GLB1: variants seen among roughly 807,000 people sequenced by gnomAD.
GLB1 encodes galactosidase beta 1.
In GLB1, 56 loss-of-function variants were observed where a neutral mutation model predicts 74.0. The observed-to-expected ratio is 0.76, with a 90% CI of 0.61 to 0.94. The LOEUF (loss-of-function observed/expected upper bound fraction) is 0.94, where lower values mean the gene tolerates loss of function less well. Ranked by LOEUF, GLB1 falls within the 40% of genes least tolerant of loss-of-function variation. The pLI is 0.00. For missense variants in GLB1, 787 were observed against 845.5 expected, an observed-to-expected ratio of 0.93 and a Z score of 0.86; for synonymous variants, 323 against 323.6, an observed-to-expected ratio of 1.00 and a Z score of 0.02.
rs769503425 is a variant in GLB1, at chr3:33,068,912, G to C, written c.304C>G (p.His102Asp). 2 of 1,614,116 alleles carry C rather than the reference G, an allele frequency of 1.2e-6. No homozygotes were observed. The highest frequency in any genetic ancestry group is 4.5e-5 in the East Asian group (2 of 44,886). ...WPGQYQFSED[H>D]DVEYFLRLAH... ...AGCCGAAGAAAATATTCCACATCAT[G>C]GTCCTCAGAAAACTGGTACTGTCCT... is the stretch of plus-strand genomic sequence containing the variant. Residue 102 changes from histidine (H) to aspartate (D), a missense_variant, in exon 3 of 16, where the codon CAT becomes GAT. By Grantham distance (81) the His-to-Asp change is moderately conservative. Coordinates refer to ENST00000307363, the MANE Select transcript of GLB1 (RefSeq NM_000404.4).
At chr3:33,082,391 C>G (rs1355953609) in intron 1 of GLB1, among the ~76,000 whole-genome samples, 1 of 152,170 alleles carries the variant, frequency 6.6e-6, no homozygotes, top group Non-Finnish European at 1.5e-5. Flanking sequence ...CTGCCCACTC[C>G]CCACTCCCAC....
intron 10 of GLB1, chr3:33,030,587 A>C (rs1697964126): frequency 1.0e-6 from 1 of 985,454 alleles, no homozygotes. Context: ...TCAATCAGCC[A>C]GTGTAGACAA....
intron 1 of GLB1, among the ~76,000 whole-genome samples, chr3:33,079,820 T>C (rs1488582859): frequency 6.6e-6 from 1 of 152,214 alleles, no homozygotes; most frequent in African/African-American, 2.4e-5. Flanking sequence ...CTTGCTCAGT[T>C]GCTCTGGCTG....
chr3:33,016,615 G>C, intron 14 of GLB1, 94 bp downstream of exon 14: 1 of 1,590,840 alleles, frequency 6.3e-7, no homozygotes, highest in East Asian at 2.3e-5. Flanking sequence ...GCTTCCCAAA[G>C]TGCTGAGATT....
chr3:33,036,187 T>C (rs1698268955), intron 10 of GLB1, among the ~76,000 whole-genome samples: 1 of 152,150 alleles, frequency 6.6e-6, no homozygotes, highest in Non-Finnish European at 1.5e-5. Context: ...CAGTGGTTCA[T>C]AGAGCAGGGC....
chr3:32,999,243 T>A (rs1486289276), intron 15 of GLB1, among the ~76,000 whole-genome samples: 1 of 152,196 alleles, frequency 6.6e-6, no homozygotes, highest in East Asian at 1.9e-4. Context: ...TCCTAAAAGG[T>A]ATATACAATG....
intron 6 of GLB1, among the ~76,000 whole-genome samples, chr3:33,056,219 C>T (rs1699210386): frequency 1.1e-5 from 1 of 88,626 alleles, no homozygotes. Flanking sequence ...AAGAGCGAAA[C>T]TCCACCTCAA....
intron 15 of GLB1, among the ~76,000 whole-genome samples, chr3:33,013,400 T>C (rs1697106277): frequency 6.6e-6 from 1 of 152,344 alleles, no homozygotes; most frequent in South Asian, 2.1e-4. Flanking sequence ...ATGTTTGGTT[T>C]TATTCATGAT....
Position 33,070,485 on chromosome 3 carries a change from A to G in GLB1, c.246-1515T>C, listed in dbSNP as rs114464161. Among the ~76,000 whole-genome samples the G allele has an allele frequency of 5.1e-3, 778 of 152,232 alleles. 5 individuals carry two copies. Among genetic ancestry groups the G allele is most frequent in the African/African-American group, 0.018 (743 of 41,530 alleles). On this transcript the variant is annotated intron_variant, in intron 2 of 15. Transcript: ENST00000307363. Reference sequence around the variant, plus strand: ...CCCAAGCTAGTCAGACTTCATGGGGACACTTCTTAAAATCAACAACAACAA... The same window carrying G: ...CCCAAGCTAGTCAGACTTCATGGGGGCACTTCTTAAAATCAACAACAACAA...
intron 11 of GLB1, among the ~76,000 whole-genome samples, chr3:33,023,298 T>C (rs923984638): frequency 1.3e-5 from 2 of 152,092 alleles, no homozygotes; most frequent in Non-Finnish European, 2.9e-5. Context: ...AAGTAGAAGG[T>C]GCTCCCTTTA....
chr3:33,096,432 G>A, intron 1 of GLB1: 1 of 984,196 alleles, frequency 1.0e-6, no homozygotes, highest in Non-Finnish European at 1.2e-6. Flanking sequence ...AACGCCGAAG[G>A]AAAACGGTCC....
Position 32,997,228 on chromosome 3 carries a change from G to C in GLB1, c.1851C>G (p.Thr617=). ...ILMTSAPNTI[T]VLELEWAPCS... ...AGGGTGCCCACTCCAGTTCCAGCAC[G>C]GTGATGGTGTTTGGGGCCGAGGTCA... is the stretch of plus-strand genomic sequence containing the variant. Residue 617 remains threonine, a synonymous_variant, in exon 16 of 16, where the codon ACC becomes ACG. Coordinates refer to ENST00000307363, the MANE Select transcript of GLB1 (RefSeq NM_000404.4). 6.2e-7 allele frequency: 1 copy of C among 1,614,190 alleles called. No homozygotes were observed. The highest frequency in any genetic ancestry group is 8.5e-7 in the Non-Finnish European group (1 of 1,180,034).
the GLB1 span, among the ~76,000 whole-genome samples, chr3:32,978,561 C>T: frequency 6.6e-6 from 1 of 152,082 alleles, no homozygotes; most frequent in Non-Finnish European, 1.5e-5. Context: ...TGAACAAACC[C>T]AAGGCAGAAT....
chr3:32,987,978 A>C, the GLB1 span, among the ~76,000 whole-genome samples: 1 of 152,034 alleles, frequency 6.6e-6, no homozygotes, highest in Non-Finnish European at 1.5e-5. Context: ...TGAGGTCAGG[A>C]GTTTGAGACC....
In GLB1 at chr3:33,074,389, G is replaced by GAAAGA. The variant is rs1559412979; in HGVS notation, c.76-1677_76-1676insTCTTT. On this transcript the variant is annotated intron_variant, in intron 1 of 15. Coordinates refer to ENST00000307363, the MANE Select transcript of GLB1 (RefSeq NM_000404.4). ...GGAAGGAAGGAAGGAAGGAAGGAAGGAAGAAAGAAAGAAAGAAAGAATATT... is the reference window on the plus strand; with the variant it reads ...GGAAGGAAGGAAGGAAGGAAGGAAGGAAAGAAAGAAAGAAAGAAAGAAAGAATATT... 1.5e-4 allele frequency among the ~76,000 whole-genome samples: 6 copies of GAAAGA among 38,884 alleles called. 1 individual carries two copies. The highest frequency in any genetic ancestry group is 6.4e-4 in the African/African-American group (6 of 9,384). The allele number at this position is 38,884 out of a possible 152,430, so 25.5% of individuals were successfully genotyped here.
chr3:33,031,106 T>C (rs943935831), intron 10 of GLB1, among the ~76,000 whole-genome samples: 3 of 152,198 alleles, frequency 2.0e-5, no homozygotes, highest in Admixed American at 2.0e-4. Context: ...TTATGCAGCC[T>C]GCTGGGAGAT....
At chr3:32,996,099 G>C (rs1696305649), downstream of GLB1, among the ~76,000 whole-genome samples, 1 of 152,178 alleles carries the variant, frequency 6.6e-6, no homozygotes, top group Admixed American at 6.5e-5. Flanking sequence ...TGGTAAACCG[G>C]CAGGATGACA....
intron 15 of GLB1, among the ~76,000 whole-genome samples, chr3:33,005,536 G>C (rs1696749652): frequency 6.6e-6 from 1 of 152,092 alleles, no homozygotes. Flanking sequence ...GGTTTTAAAA[G>C]TTTTACATAC....
chr3:33,002,460 T>C (rs936540720), intron 15 of GLB1, among the ~76,000 whole-genome samples: 3 of 151,686 alleles, frequency 2.0e-5, no homozygotes, highest in Non-Finnish European at 4.4e-5. Flanking sequence ...CTCGAATTCT[T>C]GGGCTTAAGC....
Sources: gnomAD v4.1 joint callset for allele counts (sites outside exome capture counted in the v4.1 genomes callset) on GRCh38, gnomAD v4.1.1 for gene constraint, MANE v1.5 for transcripts, NCBI Gene and HGNC (gene_info 2026-07-23, HGNC 2026-07-21) for gene names.